The following WDR25 variants were observed in gnomAD, a reference collection of about 807,000 sequenced individuals.
WDR25 encodes WD repeat domain 25, also known as WD repeat-containing protein 25.
A neutral mutation model predicts 47.7 loss-of-function variants in WDR25; 35 were observed. The observed-to-expected ratio is 0.73, with a 90% confidence interval of 0.56 to 0.97. The LOEUF is 0.97. Ranked by LOEUF, WDR25 falls within the 50% of genes least tolerant of loss-of-function variation. The pLI, the probability that WDR25 is intolerant of heterozygous loss-of-function variation, is 0.00. For missense variants in WDR25, 634 were observed against 704.7 expected (o/e 0.90, Z 1.14); for synonymous variants, 248 against 278.9 (o/e 0.89, Z 1.10).
intron 4 of WDR25, among the ~76,000 whole-genome samples, chr14:100,505,146 C>T (rs1435337583): frequency 2.6e-5 from 4 of 152,158 alleles, no homozygotes; most frequent in Non-Finnish European, 5.9e-5. Flanking sequence ...TCTAAGAAAT[C>T]TTTACCTATC....
intron 3 of WDR25, among the ~76,000 whole-genome samples, chr14:100,476,300 T>C (rs1900014956): frequency 6.6e-6 from 1 of 152,252 alleles, no homozygotes; most frequent in African/African-American, 2.4e-5. Flanking sequence ...TTCTGATGCA[T>C]AAAGTTTGAT....
rs932024337 is a variant in WDR25, at chr14:100,525,888, G to A, written c.1120G>A (p.Ala374Thr). ...CTTGCAGGTGATGAGAAGCTACAAG[G>A]CGACCATCCAGCAGACCTTGGACAT... Reference protein sequence around the residue: ...RTGKVMRSYKATIQQTLDILF... With the variant: ...RTGKVMRSYKTTIQQTLDILF... Residue 374 changes from alanine to threonine, a missense_variant, in exon 5 of 7, where the codon GCG becomes ACG. Physicochemically the swap from Ala to Thr is moderately conservative, Grantham distance 58. Coordinates refer to ENST00000402312, the MANE Select transcript of WDR25 (RefSeq NM_001161476.3). This position sits in a 1 kb window ranked among gnomAD's most constrained non-coding sequence, Gnocchi z 4.6. 6.2e-7 allele frequency: 1 copy of A among 1,613,850 alleles called. No individual in the cohort carries two copies. The highest frequency in any genetic ancestry group is 1.7e-5 in the Admixed American group (1 of 59,998).
chr14:100,429,882 T>C (rs1478218705), intron 2 of WDR25, among the ~76,000 whole-genome samples: 2 of 152,056 alleles, frequency 1.3e-5, no homozygotes, highest in East Asian at 3.9e-4. Flanking sequence ...AAGATAGTAA[T>C]CCTGTTGAAT....
At chr14:100,455,193 A>G (rs1208827834) in intron 2 of WDR25, 4 of 152,256 alleles carry the variant, frequency 2.6e-5, no homozygotes, top group Non-Finnish European at 5.9e-5. Context: ...ACAACGGGGA[A>G]TCTCAGTAGA....
intron 2 of WDR25, among the ~76,000 whole-genome samples, chr14:100,446,152 G>A (rs1314396709): frequency 6.6e-6 from 1 of 152,214 alleles, no homozygotes; most frequent in Admixed American, 6.5e-5. Context: ...TTGGAGTATA[G>A]AGGAGGAGCC....
intron 2 of WDR25, among the ~76,000 whole-genome samples, chr14:100,409,947 T>TC (rs1897657957): frequency 6.6e-6 from 1 of 152,346 alleles, no homozygotes; most frequent in Admixed American, 6.5e-5. Flanking sequence ...ATACATTTTT[T>TC]CCCTCTCATT....
intron 3 of WDR25, among the ~76,000 whole-genome samples, chr14:100,483,098 A>C (rs1243024063): frequency 1.3e-5 from 2 of 152,172 alleles, no homozygotes; most frequent in Non-Finnish European, 2.9e-5. Context: ...ATGCAGTTTC[A>C]GATGGATGAG....
chr14:100,476,651 G>T lies in WDR25; in HGVS notation c.971-7343G>T, dbSNP rs1900027238. 2.0e-5 allele frequency: 3 copies of T among 152,210 alleles called. No homozygotes were observed. The South Asian group carries it at 6.2e-4, about 32-fold the overall frequency. The allele number at this position is 152,210 out of a possible 1,614,324, so 9.4% of individuals were successfully genotyped here. The stretch of plus-strand genomic sequence containing the variant: ...CCGTCTCAGTGTGGCTGACTCATGT[G>T]GCTCTGAGCGAGTCTCTCACCTCGC... On this transcript the variant is annotated intron_variant, in intron 3 of 6. Coordinates refer to ENST00000402312, the MANE Select transcript of WDR25 (RefSeq NM_001161476.3).
intron 2 of WDR25, among the ~76,000 whole-genome samples, chr14:100,403,859 A>G (rs144907955): frequency 2.6e-5 from 4 of 152,304 alleles, no homozygotes; most frequent in Admixed American, 2.0e-4. Context: ...GCAGTGATCA[A>G]TATTCCAGTT....
chr14:100,491,751 C>T (rs925125662), intron 4 of WDR25, among the ~76,000 whole-genome samples: 1 of 152,222 alleles, frequency 6.6e-6, no homozygotes, highest in African/African-American at 2.4e-5. Context: ...TTCACATGCT[C>T]ACTGAGCACT....
intron 4 of WDR25, among the ~76,000 whole-genome samples, chr14:100,492,190 A>G (rs1355570617): frequency 6.6e-6 from 1 of 152,200 alleles, no homozygotes; most frequent in Non-Finnish European, 1.5e-5. Flanking sequence ...TATTCAGTGG[A>G]TCCATCAGCT....
chr14:100,520,266 G>A (rs1169325526), intron 4 of WDR25, among the ~76,000 whole-genome samples: 4 of 151,806 alleles, frequency 2.6e-5, no homozygotes, highest in Non-Finnish European at 4.4e-5. Context: ...TGTTTATACT[G>A]ATTTTTCCAA....
intron 2 of WDR25, among the ~76,000 whole-genome samples, chr14:100,439,072 C>T (rs1898587160): frequency 6.6e-6 from 1 of 152,218 alleles, no homozygotes; most frequent in African/African-American, 2.4e-5. Context: ...TGGGGCTGGG[C>T]ATCAGTTGCC....
chr14:100,400,894 A>G (rs914379272), intron 2 of WDR25, among the ~76,000 whole-genome samples: 1 of 152,224 alleles, frequency 6.6e-6, no homozygotes, highest in Non-Finnish European at 1.5e-5. Flanking sequence ...CTAATGGATG[A>G]TAATCTAGGA....
In WDR25 at chr14:100,382,676, C is replaced by A. The variant is rs377241395; in HGVS notation, c.822+930C>A. 8.5e-5 allele frequency among the ~76,000 whole-genome samples: 13 copies of A among 152,340 alleles called. 1 individual carries two copies. The South Asian group carries it at 2.7e-3, about 32-fold the overall frequency. The stretch of plus-strand genomic sequence containing the variant: ...TGTGCACTGCATCCCTCCTCTCTCT[C>A]CTCGCAGCTAGCAAAGCACCTGATA... On this transcript the variant is annotated intron_variant, in intron 2 of 6. Transcript: ENST00000402312.
chr14:100,494,219 CT>C (rs1218852777), intron 4 of WDR25, among the ~76,000 whole-genome samples: 1 of 152,200 alleles, frequency 6.6e-6, no homozygotes, highest in Non-Finnish European at 1.5e-5. Flanking sequence ...GCCACTACAC[CT>C]AGCAGTGCAG....
intron 2 of WDR25, among the ~76,000 whole-genome samples, chr14:100,438,782 C>T (rs750363869): frequency 6.6e-5 from 10 of 152,192 alleles, no homozygotes; most frequent in Non-Finnish European, 1.3e-4. Flanking sequence ...TCTTCTCAGC[C>T]ACCCTGTGAG....
chr14:100,459,898 A>G (rs1207930439), intron 2 of WDR25, among the ~76,000 whole-genome samples: 5,747 of 29,628 alleles, frequency 0.19, 358 homozygotes, highest in African/African-American at 0.44. Flanking sequence ...GTGTGTGTAT[A>G]TATATATATA....
chr14:100,384,894 G>A (rs1395197633), intron 2 of WDR25, among the ~76,000 whole-genome samples: 2 of 152,206 alleles, frequency 1.3e-5, no homozygotes, highest in African/African-American at 4.8e-5. Context: ...CCCCTTGGTT[G>A]CGTGGTCTCT....
Sources: gnomAD v4.1 joint callset for allele counts (sites outside exome capture counted in the v4.1 genomes callset) on GRCh38, gnomAD v4.1.1 for gene constraint, Gnocchi (gnomAD v3.1) non-coding constraint, MANE v1.5 for transcripts, NCBI Gene and HGNC (gene_info 2026-07-23, HGNC 2026-07-21) for gene names.